The following CTNNA2 variants were observed in gnomAD, a reference collection of about 807,000 sequenced individuals.
The protein encoded by CTNNA2 is catenin alpha-2.
In CTNNA2, 42 loss-of-function variants were observed where a neutral mutation model predicts 101.0. The ratio of observed to expected loss-of-function variants is 0.42; its 90% CI spans 0.32 to 0.54. The LOEUF (loss-of-function observed/expected upper bound fraction) is 0.54, where lower values mean the gene tolerates loss of function less well. Among genes scored for constraint, CTNNA2 ranks in the 20% least tolerant of loss-of-function variants. The probability of loss-of-function intolerance (pLI) is 0.14; values close to 1 mark genes in which losing one functional copy is unlikely to be tolerated. For synonymous variants in CTNNA2, 450 were observed against 456.4 expected, an observed-to-expected ratio of 0.99 and a Z score of 0.18; for missense variants, 871 against 1,223.1, an observed-to-expected ratio of 0.71 and a Z score of 4.29.
intron 1 of CTNNA2, among the ~76,000 whole-genome samples, chr2:79,541,364 A>G (rs1673400417): frequency 6.6e-6 from 1 of 150,384 alleles, no homozygotes; most frequent in Non-Finnish European, 1.5e-5. Context: ...CAATGTTTAC[A>G]CATATGTATA....
intron 4 of CTNNA2, among the ~76,000 whole-genome samples, chr2:79,466,281 C>A (rs1468880878): frequency 3.3e-5 from 5 of 152,212 alleles, no homozygotes. Flanking sequence ...TCGCTCATTG[C>A]TAGCACAGCA....
intron 2 of CTNNA2, among the ~76,000 whole-genome samples, chr2:79,686,624 TAATA>T: frequency 6.6e-6 from 1 of 152,056 alleles, no homozygotes; most frequent in Non-Finnish European, 1.5e-5. Context: ...GAGGAAGAAG[TAATA>T]AATAAGGAAG....
chr2:79,732,714 A>G (rs139099320), intron 2 of CTNNA2, among the ~76,000 whole-genome samples: 189 of 152,188 alleles, frequency 1.2e-3, no homozygotes, highest in African/African-American at 4.2e-3. Flanking sequence ...GTAATAGAGT[A>G]TCTTTAAAAT....
intron 8 of CTNNA2, among the ~76,000 whole-genome samples, chr2:80,397,823 A>T (rs1474372057): frequency 1.3e-5 from 2 of 152,142 alleles, no homozygotes; most frequent in Admixed American, 1.3e-4. Context: ...AGGGTCTTGT[A>T]CTCATAAATT....
intron 7 of CTNNA2, among the ~76,000 whole-genome samples, chr2:79,926,280 A>G (rs1317151375): frequency 1.3e-5 from 2 of 152,130 alleles, no homozygotes; most frequent in Non-Finnish European, 2.9e-5. Context: ...AGAGTACGAT[A>G]CTAGAACTCT....
chr2:80,020,742 A>G (rs1694497485), intron 7 of CTNNA2, among the ~76,000 whole-genome samples: 1 of 152,168 alleles, frequency 6.6e-6, no homozygotes, highest in Middle Eastern at 3.4e-3. Context: ...GCTCATTTCT[A>G]CTCTGAATTT....
intron 7 of CTNNA2, among the ~76,000 whole-genome samples, chr2:80,189,498 G>A (rs1706340143): frequency 6.6e-6 from 1 of 152,146 alleles, no homozygotes; most frequent in Non-Finnish European, 1.5e-5. Flanking sequence ...TGAGACTTTG[G>A]CAGCCATCGT....
At chr2:80,580,252 C>G (rs1421396904) in intron 13 of CTNNA2, among the ~76,000 whole-genome samples, 1 of 152,120 alleles carries the variant, frequency 6.6e-6, no homozygotes, top group Non-Finnish European at 1.5e-5. Flanking sequence ...ACTTAATGCA[C>G]AGTTATCTAT....
chr2:79,412,711 C>T (rs937851810), intron 4 of CTNNA2, among the ~76,000 whole-genome samples: 1 of 152,020 alleles, frequency 6.6e-6, no homozygotes, highest in African/African-American at 2.4e-5. Flanking sequence ...AACAAAGACA[C>T]AGCATACCAG....
intron 7 of CTNNA2, among the ~76,000 whole-genome samples, chr2:79,913,983 C>T (rs1036170521): frequency 2.6e-5 from 4 of 151,584 alleles, no homozygotes; most frequent in East Asian, 2.0e-4. Context: ...CCGGCTAAAA[C>T]GGTGAAACCC....
At chr2:79,286,809 T>G (rs572008373) in intron 2 of CTNNA2, among the ~76,000 whole-genome samples, 37 of 152,158 alleles carry the variant, frequency 2.4e-4, no homozygotes, top group Admixed American at 1.6e-3. Flanking sequence ...CCTGCCTTGC[T>G]AGATTGGGGA....
rs1272933141 is a variant in CTNNA2 at position 80,302,586 on chromosome 2, C to T, written c.1057-90625C>T. On this transcript the variant is annotated intron_variant, in intron 7 of 18. Coordinates refer to ENST00000402739, the MANE Select transcript of CTNNA2 (RefSeq NM_001282597.3). This position sits in a 1 kb window ranked among gnomAD's most constrained non-coding sequence, Gnocchi z 6.4. Reference sequence around the variant, plus strand: ...TCGGCGTGCTCGCCGCCTGGAAGAGCCACGGTGGCAGGCTCGAATGTGCCG... The same window carrying T: ...TCGGCGTGCTCGCCGCCTGGAAGAGTCACGGTGGCAGGCTCGAATGTGCCG... 1.2e-6 allele frequency: 2 copies of T among 1,606,928 alleles called. No individual in the cohort carries two copies. Among genetic ancestry groups the T allele is most frequent in the Non-Finnish European group, 8.5e-7 (1 of 1,179,018 alleles).
At chr2:80,629,931 C>T (rs563128954) in intron 18 of CTNNA2, among the ~76,000 whole-genome samples, 4 of 152,182 alleles carry the variant, frequency 2.6e-5, no homozygotes, top group African/African-American at 9.7e-5. Flanking sequence ...CCTTTCAAGT[C>T]TTCCCTCTGG....
In CTNNA2 at chr2:80,460,159, C is replaced by T. The variant is rs139432480; in HGVS notation, c.1290+40558C>T. 5.4e-3 allele frequency among the ~76,000 whole-genome samples: 826 copies of T among 151,958 alleles called. 2 individuals are homozygous for T. Among genetic ancestry groups the T allele is most frequent in the Non-Finnish European group, 9.0e-3 (611 of 67,964 alleles). ...ATAGTTTACTTCTTTATATTTTGTT[C>T]GTAGAAGAAAAAAAATTGCCTTTGT... On this transcript the variant is annotated intron_variant, in intron 9 of 18. Transcript: ENST00000402739.
chr2:79,698,723 A>G (rs1363323202), intron 2 of CTNNA2, among the ~76,000 whole-genome samples: 1 of 152,054 alleles, frequency 6.6e-6, no homozygotes, highest in Non-Finnish European at 1.5e-5. Flanking sequence ...GAATGTGTGT[A>G]TGTGTGTACA....
At chr2:80,639,251 C>A (rs1000464922) in intron 18 of CTNNA2, among the ~76,000 whole-genome samples, 1 of 152,004 alleles carries the variant, frequency 6.6e-6, no homozygotes, top group Non-Finnish European at 1.5e-5. Flanking sequence ...TTTCTGTCAC[C>A]CAGGGTGGAG....
intron 2 of CTNNA2, among the ~76,000 whole-genome samples, chr2:79,699,685 G>A (rs1030769477): frequency 1.3e-5 from 2 of 150,354 alleles, no homozygotes; most frequent in Admixed American, 1.3e-4. Flanking sequence ...CTTTTTGGGG[G>A]GATCTTTTTT....
At chr2:79,316,939 G>A (rs898256533) in intron 3 of CTNNA2, among the ~76,000 whole-genome samples, 2 of 151,758 alleles carry the variant, frequency 1.3e-5, no homozygotes, top group African/African-American at 2.4e-5. Context: ...ATGCTAAATG[G>A]AATTGAAAAA....
chr2:80,224,705 A>G (rs928107884), intron 7 of CTNNA2, among the ~76,000 whole-genome samples: 1 of 152,040 alleles, frequency 6.6e-6, no homozygotes, highest in Non-Finnish European at 1.5e-5. Flanking sequence ...CGGCCTCCCA[A>G]AGTGCTGGGA....
Sources: allele counts gnomAD v4.1 joint callset (sites outside exome capture counted in the v4.1 genomes callset), GRCh38; gene constraint gnomAD v4.1.1; non-coding constraint Gnocchi (gnomAD v3.1); transcripts MANE v1.5; gene names NCBI Gene and HGNC (gene_info 2026-07-23, HGNC 2026-07-21).